Variants in NT5C3B observed in about 807,000 individuals in gnomAD.
NT5C3B encodes the protein 5'-nucleotidase, cytosolic IIIB.
A neutral mutation model predicts 32.5 loss-of-function variants in NT5C3B; 28 were observed. That is an observed-to-expected ratio of 0.86 (90% CI 0.64 to 1.18). NT5C3B has a LOEUF of 1.18. Among genes scored for constraint, NT5C3B ranks in the 50% most tolerant of loss-of-function variants. The probability of loss-of-function intolerance (pLI) is 0.00; values close to 1 mark genes in which losing one functional copy is unlikely to be tolerated. For missense variants in NT5C3B, 317 were observed against 322.0 expected, an observed-to-expected ratio of 0.98 and a Z score of 0.12; for synonymous variants, 138 against 118.0, an observed-to-expected ratio of 1.17 and a Z score of -1.10.
intron 1 of NT5C3B, 71 bp downstream of exon 1, chr17:41,836,111 T>TG: frequency 3.0e-6 from 4 of 1,332,276 alleles, no homozygotes; most frequent in Non-Finnish European, 3.8e-6. Context: ...GGTGACCAGC[T>TG]GGGGGGCTCG....
At chr17:41,835,367 C>G (rs1370848299) in intron 2 of NT5C3B, 95 bp from the exon 3 acceptor site, 1 of 1,051,414 alleles carries the variant, frequency 9.5e-7, no homozygotes, top group Non-Finnish European at 1.5e-6. Context: ...ATCAATACAG[C>G]TCAGTGGCCA....
chr17:41,828,084 T>C (rs1222608882), intron 7 of NT5C3B, among the ~76,000 whole-genome samples: 1 of 152,202 alleles, frequency 6.6e-6, no homozygotes, highest in African/African-American at 2.4e-5. Flanking sequence ...GGCCACATCC[T>C]CACTGCAGGT....
intron 7 of NT5C3B, 55 bp from the exon 8 acceptor site, chr17:41,827,681 C>T (rs545217063): frequency 5.2e-6 from 4 of 775,402 alleles, no homozygotes; most frequent in Admixed American, 1.8e-5. Context: ...CATGTGGCAC[C>T]AGCTCTCCAC....
At chr17:41,827,343 G>A in intron 8 of NT5C3B, 83 bp downstream of exon 8, 1 of 574,314 alleles carries the variant, frequency 1.7e-6, no homozygotes. Flanking sequence ...AATAAAAAAA[G>A]AGAATGTGTT....
At chr17:41,830,738 CT>C (rs1555618895) in intron 6 of NT5C3B, 62 bp downstream of exon 6, 14 of 1,273,916 alleles carry the variant, frequency 1.1e-5, no homozygotes, top group Admixed American at 1.7e-5. Context: ...CCCCCGCCTC[CT>C]TTTTTTGAAC....
intron 6 of NT5C3B, among the ~76,000 whole-genome samples, chr17:41,829,160 C>G (rs1023053124): frequency 9.9e-5 from 15 of 151,996 alleles, no homozygotes; most frequent in Non-Finnish European, 8.8e-5. Context: ...TAGCTGAGAC[C>G]ACAGGTGCAT....
rs535986558 is a variant in NT5C3B at position 41,828,019 on chromosome 17, C to T, written c.568-393G>A. Among the ~76,000 whole-genome samples the T allele has an allele frequency of 3.3e-5, 5 of 152,284 alleles. No individual in the cohort carries two copies. In the East Asian group the frequency reaches 9.6e-4, roughly 29 times the overall value. ...CAGATCATCTGTTCTGGTGGATGCA[C>T]GAAGCTGTGATATAAATGCCACTCA... On this transcript the variant is annotated intron_variant, in intron 7 of 8. Coordinates refer to ENST00000435506, the MANE Select transcript of NT5C3B (RefSeq NM_052935.5).
At chr17:41,830,649 G>A in intron 6 of NT5C3B, 152 bp downstream of exon 6, 1 of 624,738 alleles carries the variant, frequency 1.6e-6, no homozygotes, top group South Asian at 1.9e-5. Flanking sequence ...GGTAAGAAAT[G>A]CTTTAGCTGT....
At chr17:41,827,684 C>G in intron 7 of NT5C3B, 58 bp from the exon 8 acceptor site, 1 of 773,088 alleles carries the variant, frequency 1.3e-6, no homozygotes, top group South Asian at 1.4e-5. Flanking sequence ...GTGGCACCAG[C>G]TCTCCACTGT....
In NT5C3B at chr17:41,836,209, G is replaced by T; in HGVS notation, c.-16C>A. The T allele has an allele frequency of 8.0e-7, 1 of 1,242,246 alleles. No individual in the cohort carries two copies. Among genetic ancestry groups the T allele is most frequent in the Non-Finnish European group, 1.0e-6 (1 of 995,128 alleles). The allele number at this position is 1,242,246 out of a possible 1,614,324, so 77.0% of individuals were successfully genotyped here. ...CCTCTGCCATCCCGTTCGAGGCCTG[G>T]TCGGCGGCTCGCGGGACAACGACAG... On this transcript the variant is annotated 5_prime_UTR_variant, in exon 1 of 9. Coordinates refer to ENST00000435506, the MANE Select transcript of NT5C3B (RefSeq NM_052935.5).
In NT5C3B at chr17:41,827,429, G is replaced by A. The variant is rs569569438; in HGVS notation, c.765C>T (p.Asp255=). The change falls in exon 8 of 9, where the codon GAC becomes GAT. Residue 255 remains aspartate, a synonymous_variant. Coordinates refer to ENST00000435506, the MANE Select transcript of NT5C3B (RefSeq NM_052935.5). ...GCAGCCCTGGTCCTCTACCCACCTT[G>A]TCATTCAGGAAGCCAATTTTGAGAA... ...QNILKIGFLN[D]KVEERRERYM... is the part of the protein sequence containing the mutation. 1.5e-4 allele frequency: 130 copies of A among 872,602 alleles called. No homozygotes were observed. In the South Asian group the frequency reaches 1.6e-3, roughly 11 times the overall value. The allele number at this position is 872,602 out of a possible 1,614,324, so 54.1% of individuals were successfully genotyped here.
intron 1 of NT5C3B, 24 bp from the exon 2 acceptor site, chr17:41,835,981 A>C (rs1555619938): frequency 6.4e-7 from 1 of 1,554,002 alleles, no homozygotes; most frequent in African/African-American, 1.4e-5. Context: ...CGAGAGAACC[A>C]CTGACCCCTG....
At chr17:41,832,642 T>C (rs550328082) in intron 4 of NT5C3B, 165 bp from the exon 5 acceptor site, 148 of 484,788 alleles carry the variant, frequency 3.1e-4, no homozygotes, top group African/African-American at 2.7e-3. Flanking sequence ...CTGAGGCAGG[T>C]GGATCACTTG....
intron 5 of NT5C3B, 25 bp downstream of exon 5, chr17:41,832,367 G>A (rs1555619158): frequency 1.9e-6 from 3 of 1,605,170 alleles, no homozygotes; most frequent in South Asian, 2.2e-5. Context: ...GGGCCCAGAA[G>A]CTTTTCTCCA....
intron 4 of NT5C3B, among the ~76,000 whole-genome samples, chr17:41,833,395 C>A (rs566035872): frequency 9.2e-5 from 14 of 152,200 alleles, no homozygotes; most frequent in South Asian, 2.1e-4. Context: ...CGGCTCACTG[C>A]AACCTCCGCC....
chr17:41,832,358 G>A, intron 5 of NT5C3B, 34 bp downstream of exon 5: 2 of 1,588,398 alleles, frequency 1.3e-6, no homozygotes, highest in South Asian at 1.1e-5. Flanking sequence ...CCATCTCAAG[G>A]GCCCAGAAGC....
chr17:41,835,011 G>T, intron 4 of NT5C3B, 59 bp downstream of exon 4: 1 of 1,526,758 alleles, frequency 6.5e-7, no homozygotes, highest in East Asian at 2.2e-5. Flanking sequence ...GTTCCAATCA[G>T]GAACCATTTG....
rs782470676 is a variant in NT5C3B, at chr17:41,825,585, C to A, written c.841G>T (p.Val281Phe). 14 of 872,774 alleles carry A rather than the reference C, an allele frequency of 1.6e-5. No individual in the cohort carries two copies. The highest frequency in any genetic ancestry group is 2.6e-5 in the Non-Finnish European group (13 of 501,704). 54.1% of individuals were successfully genotyped at this position (872,774 alleles called of 1,614,324 possible). A position where few individuals can be genotyped will look rare whatever the true frequency, so the allele number is the denominator to read the frequency against. ...VLEKDETLDV[V>F]NGLLQHILCQ... ...AGGATGTGCTGCAGTAGCCCGTTGACCACATCCAGAGTCTCGTCCTTCTCC... is the reference window on the plus strand; with the variant it reads ...AGGATGTGCTGCAGTAGCCCGTTGAACACATCCAGAGTCTCGTCCTTCTCC... Residue 281 changes from valine (V) to phenylalanine (F), a missense_variant, in exon 9 of 9, where the codon GTC (valine) becomes TTC (phenylalanine). By Grantham distance (50) the Val-to-Phe change is conservative. Transcript: ENST00000435506.
chr17:41,827,673 T>C lies in NT5C3B; in HGVS notation c.568-47A>G, dbSNP rs782031223. ...CAGATGGAAGGGCTGCAGGGACCCA[T>C]GTGGCACCAGCTCTCCACTGTCTCT... On this transcript the variant is annotated intron_variant, in intron 7 of 8. Coordinates refer to ENST00000435506, the MANE Select transcript of NT5C3B (RefSeq NM_052935.5). The C allele has an allele frequency of 5.0e-6, 4 of 795,726 alleles. No homozygotes were observed. The Admixed American group carries it at 7.0e-5, about 14-fold the overall frequency. 49.3% of individuals were successfully genotyped at this position (795,726 alleles called of 1,614,324 possible). A position where few individuals can be genotyped will look rare whatever the true frequency, so the allele number is the denominator to read the frequency against.
Sources: gnomAD v4.1 joint callset for allele counts (sites outside exome capture counted in the v4.1 genomes callset) on GRCh38, gnomAD v4.1.1 for gene constraint, MANE v1.5 for transcripts, NCBI Gene and HGNC (gene_info 2026-07-23, HGNC 2026-07-21) for gene names.